NDST1: variants seen among roughly 807,000 people sequenced by gnomAD.
NDST1 encodes N-deacetylase and N-sulfotransferase 1, also known as bifunctional heparan sulfate N-deacetylase/N-sulfotransferase 1.
Under a neutral mutation model 92.8 loss-of-function variants are expected in NDST1, and 35 were observed. That is an observed-to-expected ratio of 0.38 (90% CI 0.29 to 0.50). NDST1 has a LOEUF of 0.50. Ranked by LOEUF, NDST1 falls within the 20% of genes least tolerant of loss-of-function variation. NDST1 has a pLI of 0.94. For missense variants in NDST1, 822 were observed against 1,182.7 expected (o/e 0.69, Z 4.47); for synonymous variants, 493 against 500.3 (o/e 0.99, Z 0.19).
At position 150,528,788 on chromosome 5, in the gene NDST1, CTG is replaced by C. The variant is rs368755707; in HGVS notation, c.1008+492_1008+493del. 1.2e-3 allele frequency among the ~76,000 whole-genome samples: 188 copies of C among 152,154 alleles called. 1 individual carries two copies. Among genetic ancestry groups the C allele is most frequent in the African/African-American group, 4.2e-3 (174 of 41,492 alleles). ...CCAGCCTGGGTGACAGAGCAAGACTCTGTCTCAAAAAAATTAAAAAAATAAAA... is the reference window on the plus strand; with the variant it reads ...CCAGCCTGGGTGACAGAGCAAGACTCTCTCAAAAAAATTAAAAAAATAAAA... On this transcript the variant is annotated intron_variant, in intron 3 of 14. Coordinates refer to ENST00000261797, the MANE Select transcript of NDST1 (RefSeq NM_001543.5).
chr5:150,532,921 T>G, intron 3 of NDST1, 24 bp from the exon 4 acceptor site: 1 of 1,610,860 alleles, frequency 6.2e-7, no homozygotes, highest in Non-Finnish European at 8.5e-7. Context: ...CCTCACTCAT[T>G]CCTTTCTCCC....
chr5:150,550,121 T>A (rs1343842246), intron 13 of NDST1, among the ~76,000 whole-genome samples: 4 of 143,472 alleles, frequency 2.8e-5, no homozygotes, highest in African/African-American at 5.4e-5. Context: ...TTTTTTTTTT[T>A]AGACAGGGTC....
At position 150,553,313 on chromosome 5, in the gene NDST1, AC is replaced by A; in HGVS notation, c.2632del (p.Leu878SerfsTer17). The A allele has an allele frequency of 6.2e-7, 1 of 1,613,470 alleles. No homozygotes were observed. Among genetic ancestry groups the A allele is most frequent in the East Asian group, 2.2e-5 (1 of 44,840 alleles). On this transcript the variant is annotated frameshift_variant, in exon 15 of 15. Coordinates refer to ENST00000261797, the MANE Select transcript of NDST1 (RefSeq NM_001543.5). LOFTEE classifies it high-confidence loss of function. This position sits in a 1 kb window ranked among gnomAD's most constrained non-coding sequence, Gnocchi z 4.2. ...GQTLPTWLRE[D>X]LQNTR ...ACACTTCCCACTTGGCTACGAGAGG[AC>A]CTCCAGAACACCAGGTAGCCGTGGC...
chr5:150,513,977 A>G (rs1402275099), intron 1 of NDST1, among the ~76,000 whole-genome samples: 3 of 152,208 alleles, frequency 2.0e-5, no homozygotes, highest in Non-Finnish European at 4.4e-5. Flanking sequence ...CATTATCCTC[A>G]GCACCTTGGC....
intron 11 of NDST1, 94 bp from the exon 12 acceptor site, chr5:150,548,124 G>A (rs1755570616): frequency 1.4e-6 from 2 of 1,472,406 alleles, no homozygotes; most frequent in South Asian, 2.4e-5. Context: ...GTCCAGCTGA[G>A]GATCTTCTGG....
chr5:150,535,189 C>A, intron 5 of NDST1, 168 bp downstream of exon 5: 4 of 800,020 alleles, frequency 5.0e-6, no homozygotes, highest in Middle Eastern at 6.3e-4. Context: ...CTCCTTGAAG[C>A]CCCAAGAGAA....
In NDST1 at chr5:150,534,733, T is replaced by G; in HGVS notation, c.1097-134T>G. The G allele has an allele frequency of 3.8e-6, 4 of 1,043,430 alleles. No individual in the cohort carries two copies. In the South Asian group the frequency reaches 4.2e-5, roughly 11 times the overall value. 64.6% of individuals were successfully genotyped at this position (1,043,430 alleles called of 1,614,324 possible). The stretch of plus-strand genomic sequence containing the variant: ...TGGGCTGGGGCTCTGTCTGCTCCTG[T>G]GCTGTAGCCCAGATAACTCTTCCAG... On this transcript the variant is annotated intron_variant, in intron 4 of 14. Transcript: ENST00000261797.
rs1004682403 is a variant in NDST1 at position 150,541,680 on chromosome 5, C to T, written c.1846+14C>T. Reference sequence around the variant, plus strand: ...CCCAGAAAACAGGCAGGTCTCTCTGCTCTTGACCGAGCTTCCCCAACTGCC... The same window carrying T: ...CCCAGAAAACAGGCAGGTCTCTCTGTTCTTGACCGAGCTTCCCCAACTGCC... On this transcript the variant is annotated intron_variant, in intron 9 of 14. Coordinates refer to ENST00000261797, the MANE Select transcript of NDST1 (RefSeq NM_001543.5). 1.2e-6 allele frequency: 2 copies of T among 1,612,882 alleles called. No individual in the cohort carries two copies. The highest frequency in any genetic ancestry group is 1.7e-5 in the Admixed American group (1 of 60,008).
At chr5:150,547,803 A>C (rs766012043) in intron 11 of NDST1, among the ~76,000 whole-genome samples, 1 of 152,198 alleles carries the variant, frequency 6.6e-6, no homozygotes, top group Non-Finnish European at 1.5e-5. Context: ...CTCGTGCCTC[A>C]GCCTTCCGAG....
chr5:150,540,070 C>T lies in NDST1; in HGVS notation c.1567-12C>T, dbSNP rs1306371855. 3.1e-6 allele frequency: 5 copies of T among 1,614,164 alleles called. No homozygotes were observed. The highest frequency in any genetic ancestry group is 4.2e-6 in the Non-Finnish European group (5 of 1,180,014). On this transcript the variant is annotated splice_polypyrimidine_tract_variant and intron_variant, in intron 7 of 14. Transcript: ENST00000261797. The stretch of plus-strand genomic sequence containing the variant: ...ATGGGCCCTGCCTCTCTCCTCCCCT[C>T]CCCTGGAGCAGATCAGCATCTTCAT...
intron 10 of NDST1, among the ~76,000 whole-genome samples, chr5:150,543,589 A>G (rs1032343214): frequency 1.3e-5 from 2 of 152,112 alleles, no homozygotes; most frequent in Admixed American, 6.5e-5. Context: ...AAAATGTTTC[A>G]TGTCAGGTAG....
In NDST1 at chr5:150,548,298, G is replaced by C; in HGVS notation, c.2226G>C (p.Ser742=). 1 of 1,614,096 alleles carries C rather than the reference G, an allele frequency of 6.2e-7. No individual in the cohort carries two copies. The highest frequency in any genetic ancestry group is 8.5e-7 in the Non-Finnish European group (1 of 1,180,034). The stretch of plus-strand genomic sequence containing the variant: ...TTACCGCCGGCTCTGACGCATCCTC[G>C]AAGCTGCGTGCCCTCCAGAACCGCT... ...EVITAGSDAS[S]KLRALQNRCL... is the part of the protein sequence containing the mutation. The change falls in exon 12 of 15, where the codon TCG becomes TCC. Residue 742 remains serine (S), a synonymous_variant. Coordinates refer to ENST00000261797, the MANE Select transcript of NDST1 (RefSeq NM_001543.5).
chr5:150,543,508 G>C (rs543822195), intron 10 of NDST1, among the ~76,000 whole-genome samples: 1 of 152,328 alleles, frequency 6.6e-6, no homozygotes, highest in Admixed American at 6.5e-5. Context: ...GGGGGCCAGA[G>C]CAGAGATGGT....
intron 1 of NDST1, among the ~76,000 whole-genome samples, chr5:150,501,169 C>T (rs913769089): frequency 2.0e-5 from 3 of 152,206 alleles, no homozygotes; most frequent in Non-Finnish European, 2.9e-5. Context: ...CACTGGGCTT[C>T]GTGCTCTTCA....
rs551813968 is a variant in NDST1 at position 150,552,292 on chromosome 5, G to T, written c.2529+437G>T. Among the ~76,000 whole-genome samples, 4 of 152,286 alleles carry T rather than the reference G, an allele frequency of 2.6e-5. No individual in the cohort carries two copies. In the South Asian group the frequency reaches 8.3e-4, roughly 32 times the overall value. ...AAGGCTCCTTAAAGGAGGGATGGGG[G>T]TCTCTGGAGTTGCGCCTAGAAGGAT... is the stretch of plus-strand genomic sequence containing the variant. On this transcript the variant is annotated intron_variant, in intron 14 of 14. Transcript: ENST00000261797.
At chr5:150,515,925 G>T (rs985708884) in intron 1 of NDST1, among the ~76,000 whole-genome samples, 3 of 152,164 alleles carry the variant, frequency 2.0e-5, no homozygotes, top group Non-Finnish European at 4.4e-5. Flanking sequence ...AGCCGGCTGA[G>T]TGGCTGGCAC....
rs1755820011 is a variant in NDST1 at position 150,554,073 on chromosome 5, AAGACTG to A, written c.*744_*749del. The A allele has an allele frequency of 2.5e-6, 1 of 402,728 alleles. No homozygotes were observed. The highest frequency in any genetic ancestry group is 2.1e-5 in the African/African-American group (1 of 48,524). The allele number at this position is 402,728 out of a possible 1,614,324, so 24.9% of individuals were successfully genotyped here. On this transcript the variant is annotated 3_prime_UTR_variant, in exon 15 of 15. Coordinates refer to ENST00000261797, the MANE Select transcript of NDST1 (RefSeq NM_001543.5). ...TGATGTGTGGTGTTTCCTGTGGTAA[AAGACTG>A]AGGCAGGCCAGGGGTCTGCCAGTAA... is the stretch of plus-strand genomic sequence containing the variant.
upstream of NDST1, among the ~76,000 whole-genome samples, chr5:150,503,254 C>T (rs1039778502): frequency 2.0e-5 from 3 of 152,026 alleles, no homozygotes; most frequent in Non-Finnish European, 4.4e-5. Context: ...ACCAGCCTGA[C>T]CAATATGGAG....
chr5:150,499,627 C>A (rs6862161), intron 1 of NDST1, among the ~76,000 whole-genome samples: 3,155 of 152,312 alleles, frequency 0.021, 112 homozygotes, highest in African/African-American at 0.071. Context: ...GTCTATCCCT[C>A]CAGCTGTGAA....
Sources: allele counts gnomAD v4.1 joint callset (sites outside exome capture counted in the v4.1 genomes callset), GRCh38; gene constraint gnomAD v4.1.1; non-coding constraint Gnocchi (gnomAD v3.1); transcripts MANE v1.5; gene names NCBI Gene and HGNC (gene_info 2026-07-23, HGNC 2026-07-21).